Variants in SLC6A2 observed in about 807,000 individuals in gnomAD.
The protein encoded by SLC6A2 is sodium-dependent noradrenaline transporter.
A neutral mutation model predicts 71.7 loss-of-function variants in SLC6A2; 26 were observed. The observed-to-expected ratio is 0.36, with a 90% confidence interval of 0.27 to 0.50. SLC6A2 has a LOEUF of 0.50. Ranked by LOEUF, SLC6A2 falls within the 20% of genes least tolerant of loss-of-function variation. The probability of loss-of-function intolerance (pLI) is 0.96; values close to 1 mark genes in which losing one functional copy is unlikely to be tolerated. For missense variants in SLC6A2, 581 were observed against 803.9 expected, an observed-to-expected ratio of 0.72 and a Z score of 3.35; for synonymous variants, 363 against 337.9, an observed-to-expected ratio of 1.07 and a Z score of -0.82.
chr16:55,660,341 A>C (rs17841327), intron 2 of SLC6A2, among the ~76,000 whole-genome samples: 95,268 of 152,000 alleles, frequency 0.63, 30,197 homozygotes, highest in Non-Finnish European at 0.67. Flanking sequence ...GTGAATTTCC[A>C]TTTCTGGTTA....
At chr16:55,693,377 A>AC (rs1392126695) in intron 6 of SLC6A2, among the ~76,000 whole-genome samples, 1 of 151,948 alleles carries the variant, frequency 6.6e-6, no homozygotes, top group African/African-American at 2.4e-5. Context: ...TTAAAAAAAA[A>AC]AAATCTGAAT....
At chr16:55,694,472 C>A (rs962360821) in intron 7 of SLC6A2, among the ~76,000 whole-genome samples, 2 of 152,118 alleles carry the variant, frequency 1.3e-5, no homozygotes, top group South Asian at 4.1e-4. Context: ...GAGGGCCTGG[C>A]AGGGTCAGAA....
intron 2 of SLC6A2, among the ~76,000 whole-genome samples, chr16:55,657,315 G>A (rs1398737810): frequency 6.6e-6 from 1 of 152,120 alleles, no homozygotes; most frequent in African/African-American, 2.4e-5. Context: ...GTTGGGTGGG[G>A]GAGCCTGACC....
rs1964449281 is a variant in SLC6A2 at position 55,656,428 on chromosome 16, C to T, written c.-51-216C>T. 2 of 562,216 alleles carry T rather than the reference C, an allele frequency of 3.6e-6. No homozygotes were observed. Among genetic ancestry groups the T allele is most frequent in the East Asian group, 6.1e-5 (2 of 33,012 alleles). 34.8% of individuals were successfully genotyped at this position (562,216 alleles called of 1,614,324 possible). On this transcript the variant is annotated intron_variant, in intron 1 of 14. Coordinates refer to ENST00000568943, the MANE Select transcript of SLC6A2 (RefSeq NM_001172501.3). This position sits in a 1 kb window ranked among gnomAD's most constrained non-coding sequence, Gnocchi z 4.5. ...AAAGTGCTGCAGGGTCTTCAGCCGC[C>T]CCCAGAGGGCTGTCAGAAGTCTCCA...
At chr16:55,698,341 A>G (rs1567457412) in intron 10 of SLC6A2, 128 bp from the exon 11 acceptor site, 6 of 757,816 alleles carry the variant, frequency 7.9e-6, no homozygotes, top group East Asian at 2.6e-5. Flanking sequence ...CCACAGCCCT[A>G]TGCCCTGGGT....
chr16:55,665,392 CT>C (rs1322797003), intron 2 of SLC6A2, among the ~76,000 whole-genome samples: 1 of 152,178 alleles, frequency 6.6e-6, no homozygotes, highest in Admixed American at 6.5e-5. Flanking sequence ...ACAAATCTAG[CT>C]TCCCTAAGTG....
Position 55,705,535 on chromosome 16 carries a change from C to T in SLC6A2, c.*3189C>T, listed in dbSNP as rs548864578. The stretch of plus-strand genomic sequence containing the variant: ...ATATAGTTTTACAGACTTGGGTCTG[C>T]AGCTGACTAGCTGGGTGGCCTGGGG... On this transcript the variant is annotated 3_prime_UTR_variant, in exon 15 of 15. Coordinates refer to ENST00000568943, the MANE Select transcript of SLC6A2 (RefSeq NM_001172501.3). 7.9e-6 allele frequency: 3 copies of T among 378,522 alleles called. No homozygotes were observed. The South Asian group carries it at 2.5e-4, about 31-fold the overall frequency. 23.4% of individuals were successfully genotyped at this position (378,522 alleles called of 1,614,324 possible).
chr16:55,656,751 G>C lies in SLC6A2; in HGVS notation c.57G>C (p.Thr19=). Residue 19 remains threonine (T), a synonymous_variant, in exon 2 of 15, where the codon ACG becomes ACC. Coordinates refer to ENST00000568943, the MANE Select transcript of SLC6A2 (RefSeq NM_001172501.3). The surrounding 1 kb of genome is among the most constrained non-coding windows in gnomAD (Gnocchi z 4.5). The part of the protein sequence containing the change: ...QVQPENNGAD[T]GPEQPLRARK... The stretch of plus-strand genomic sequence containing the variant: ...AGCCCGAGAACAACGGGGCGGACAC[G>C]GGTCCAGAGCAGCCCCTTCGGGCGC... 6 of 1,613,174 alleles carry C rather than the reference G, an allele frequency of 3.7e-6. No homozygotes were observed. Among genetic ancestry groups the C allele is most frequent in the East Asian group, 2.2e-5 (1 of 44,850 alleles).
chr16:55,685,545 C>G (rs1441665113), intron 5 of SLC6A2, among the ~76,000 whole-genome samples: 1 of 152,148 alleles, frequency 6.6e-6, no homozygotes, highest in Non-Finnish European at 1.5e-5. Flanking sequence ...GCCAAAACCT[C>G]CCTAATAGCA....
At chr16:55,694,811 C>T (rs961979811) in intron 7 of SLC6A2, among the ~76,000 whole-genome samples, 3 of 152,096 alleles carry the variant, frequency 2.0e-5, no homozygotes, top group South Asian at 2.1e-4. Context: ...GCTAGGCAGA[C>T]GTGGAGTGGA....
intron 5 of SLC6A2, among the ~76,000 whole-genome samples, chr16:55,686,530 C>CA (rs1230974863): frequency 2.0e-5 from 3 of 152,122 alleles, no homozygotes; most frequent in African/African-American, 7.2e-5. Context: ...TTGGGGGCCA[C>CA]AGCGCAACAG....
intron 4 of SLC6A2, among the ~76,000 whole-genome samples, chr16:55,674,947 TA>T (rs1404113205): frequency 6.6e-6 from 1 of 152,230 alleles, no homozygotes; most frequent in African/African-American, 2.4e-5. Context: ...CACATTGGCT[TA>T]ACTAATTTAC....
chr16:55,700,886 C>T (rs186349554), intron 13 of SLC6A2, among the ~76,000 whole-genome samples: 10 of 151,836 alleles, frequency 6.6e-5, no homozygotes, highest in South Asian at 2.1e-4. Flanking sequence ...CACACACACA[C>T]ATTTATATAA....
chr16:55,699,421 G>A (rs1358936155), intron 11 of SLC6A2, 133 bp from the exon 12 acceptor site: 1 of 737,226 alleles, frequency 1.4e-6, no homozygotes, highest in Non-Finnish European at 2.5e-6. Context: ...CCATCCCCGA[G>A]TCTCCCTAGT....
intron 2 of SLC6A2, among the ~76,000 whole-genome samples, chr16:55,666,082 T>A (rs1201874357): frequency 2.6e-5 from 4 of 152,182 alleles, no homozygotes; most frequent in Non-Finnish European, 5.9e-5. Flanking sequence ...GGCACTGAGC[T>A]CCTCATGAGG....
At chr16:55,660,514 C>G (rs907888767) in intron 2 of SLC6A2, among the ~76,000 whole-genome samples, 7 of 152,196 alleles carry the variant, frequency 4.6e-5, no homozygotes, top group Non-Finnish European at 2.9e-5. Context: ...TTTTGTGGAT[C>G]AATTCTCATC....
chr16:55,671,783 G>A, intron 3 of SLC6A2, 155 bp from the exon 4 acceptor site: 8 of 1,447,528 alleles, frequency 5.5e-6, no homozygotes, highest in African/African-American at 2.8e-5. Flanking sequence ...TCTTCCATGC[G>A]ACAGGTCACT....
intron 9 of SLC6A2, 75 bp from the exon 10 acceptor site, chr16:55,697,822 A>T: frequency 6.4e-7 from 1 of 1,566,598 alleles, no homozygotes; most frequent in Non-Finnish European, 8.8e-7. Flanking sequence ...AGGAGGCTCT[A>T]GGAACCCTGG....
At chr16:55,684,340 T>A (rs1965378766) in intron 4 of SLC6A2, among the ~76,000 whole-genome samples, 1 of 152,042 alleles carries the variant, frequency 6.6e-6, no homozygotes, top group Non-Finnish European at 1.5e-5. Flanking sequence ...AACTCCACTT[T>A]ATAAATATAT....
Sources: gnomAD v4.1 joint callset for allele counts (sites outside exome capture counted in the v4.1 genomes callset) on GRCh38, gnomAD v4.1.1 for gene constraint, Gnocchi (gnomAD v3.1) non-coding constraint, MANE v1.5 for transcripts, NCBI Gene and HGNC (gene_info 2026-07-23, HGNC 2026-07-21) for gene names.